The following CNTNAP5 variants were observed in gnomAD, a reference collection of about 807,000 sequenced individuals.
CNTNAP5 encodes contactin-associated protein-like 5.
A neutral mutation model predicts 150.2 loss-of-function variants in CNTNAP5; 72 were observed. The ratio of observed to expected loss-of-function variants is 0.48; its 90% CI spans 0.40 to 0.58. The LOEUF (loss-of-function observed/expected upper bound fraction) is 0.58. Ranked by LOEUF, CNTNAP5 falls within the 20% of genes least tolerant of loss-of-function variation. CNTNAP5 has a pLI of 0.00. For missense variants in CNTNAP5, 1,636 were observed against 1,626.2 expected (o/e 1.01, Z -0.10); for synonymous variants, 672 against 619.8 (o/e 1.08, Z -1.25).
At chr2:124,388,279 G>A (rs1048439358) in intron 3 of CNTNAP5, among the ~76,000 whole-genome samples, 2 of 152,188 alleles carry the variant, frequency 1.3e-5, no homozygotes, top group African/African-American at 2.4e-5. Flanking sequence ...AAGCCTGGGG[G>A]AGCAGTGGCT....
intron 1 of CNTNAP5, among the ~76,000 whole-genome samples, chr2:124,216,661 T>C (rs940340188): frequency 6.6e-6 from 1 of 152,190 alleles, no homozygotes; most frequent in African/African-American, 2.4e-5. Context: ...GTCCTTGCGA[T>C]AATTTGCTGA....
chr2:124,639,202 G>A (rs1425371065), intron 12 of CNTNAP5, among the ~76,000 whole-genome samples: 2 of 152,200 alleles, frequency 1.3e-5, no homozygotes, highest in Non-Finnish European at 2.9e-5. Flanking sequence ...GGGATACTGA[G>A]GAAACAGGTT....
intron 19 of CNTNAP5, among the ~76,000 whole-genome samples, chr2:124,804,125 A>G (rs998410368): frequency 1.3e-5 from 2 of 152,132 alleles, no homozygotes; most frequent in Non-Finnish European, 2.9e-5. Flanking sequence ...TTCATTCCCT[A>G]CATTTCTGTG....
intron 12 of CNTNAP5, among the ~76,000 whole-genome samples, chr2:124,642,424 G>A (rs1678113095): frequency 6.6e-6 from 1 of 152,126 alleles, no homozygotes; most frequent in Admixed American, 6.6e-5. Flanking sequence ...AGTATACAAA[G>A]GACTAATTAG....
chr2:124,135,258 A>C (rs926338788), intron 1 of CNTNAP5: 1 of 152,222 alleles, frequency 6.6e-6, no homozygotes, highest in Non-Finnish European at 1.5e-5. Flanking sequence ...GCTGGAGAAC[A>C]GGATATTTCC....
At chr2:124,866,245 G>C (rs184907068) in intron 20 of CNTNAP5, among the ~76,000 whole-genome samples, 1 of 152,268 alleles carries the variant, frequency 6.6e-6, no homozygotes, top group East Asian at 1.9e-4. Flanking sequence ...GGGAGACAGA[G>C]TGACTCCATC....
At chr2:124,125,990 C>G (rs1683688177) in intron 1 of CNTNAP5, among the ~76,000 whole-genome samples, 1 of 152,056 alleles carries the variant, frequency 6.6e-6, no homozygotes, top group Non-Finnish European at 1.5e-5. Flanking sequence ...ACCCTAACAT[C>G]ACAATTAAAA....
At chr2:124,333,756 T>A (rs1277559675) in intron 3 of CNTNAP5, among the ~76,000 whole-genome samples, 1 of 152,134 alleles carries the variant, frequency 6.6e-6, no homozygotes, top group African/African-American at 2.4e-5. Context: ...CAACAAAGAA[T>A]TTGTGGCTTC....
intron 1 of CNTNAP5, among the ~76,000 whole-genome samples, chr2:124,031,957 T>C (rs984794472): frequency 4.6e-5 from 7 of 152,188 alleles, no homozygotes; most frequent in Non-Finnish European, 1.0e-4. Context: ...TTAATAGTTT[T>C]TTTGTGTGTT....
In CNTNAP5 at chr2:124,107,210, G is replaced by T. The variant is rs537248275; in HGVS notation, c.82+81478G>T. ...TTGGGACCACTATGCTCTCAGGGCTGGCAGTGAGGAAGAAAAGCTGGACCT... is the reference window on the plus strand; with the variant it reads ...TTGGGACCACTATGCTCTCAGGGCTTGCAGTGAGGAAGAAAAGCTGGACCT... On this transcript the variant is annotated intron_variant, in intron 1 of 23. Transcript: ENST00000682447. Among the ~76,000 whole-genome samples the T allele has an allele frequency of 6.4e-4, 98 of 152,246 alleles. 2 individuals are homozygous for T. In the South Asian group the frequency reaches 0.02, roughly 31 times the overall value.
chr2:124,301,338 A>G (rs1382638981), intron 3 of CNTNAP5, among the ~76,000 whole-genome samples: 2 of 152,198 alleles, frequency 1.3e-5, no homozygotes, highest in East Asian at 3.9e-4. Flanking sequence ...ACATTGCACT[A>G]TTCGTTTTGC....
At chr2:124,671,926 C>T (rs1163339912) in intron 13 of CNTNAP5, among the ~76,000 whole-genome samples, 1 of 152,178 alleles carries the variant, frequency 6.6e-6, no homozygotes, top group Admixed American at 6.5e-5. Flanking sequence ...AGGCATGAGC[C>T]ACCATACCTC....
intron 1 of CNTNAP5, among the ~76,000 whole-genome samples, chr2:124,038,954 G>T (rs561170691): frequency 6.6e-6 from 1 of 152,138 alleles, no homozygotes; most frequent in Non-Finnish European, 1.5e-5. Flanking sequence ...GTATTGGTCC[G>T]GGAGCTGATG....
chr2:124,642,042 T>C (rs1678104307), intron 12 of CNTNAP5, among the ~76,000 whole-genome samples: 1 of 152,008 alleles, frequency 6.6e-6, no homozygotes, highest in Non-Finnish European at 1.5e-5. Flanking sequence ...AGAGAAAAAA[T>C]ATGAAAGAAA....
chr2:124,032,863 C>CTCTATCCA (rs1681100996), intron 1 of CNTNAP5, among the ~76,000 whole-genome samples: 1 of 152,198 alleles, frequency 6.6e-6, no homozygotes, highest in Non-Finnish European at 1.5e-5. Context: ...CACATGCTGT[C>CTCTATCCA]TCTATCCATC....
rs71394025 is a variant in CNTNAP5, at chr2:124,149,403, CAAAAAAAAA to C, written c.83-72287_83-72279del. 2.9e-4 allele frequency among the ~76,000 whole-genome samples: 24 copies of C among 82,786 alleles called. No homozygotes were observed. In the South Asian group the frequency reaches 0.011, roughly 38 times the overall value. 54.3% of individuals were successfully genotyped at this position (82,786 alleles called of 152,430 possible). The stretch of plus-strand genomic sequence containing the variant: ...ATGTGTTCCAAGATGGCGTCAATTG[CAAAAAAAAA>C]AAAAAAAAAAAAAACTCAGGAAAAC... On this transcript the variant is annotated intron_variant, in intron 1 of 23. Transcript: ENST00000682447.
chr2:124,867,783 G>A (rs1018078173), intron 20 of CNTNAP5, among the ~76,000 whole-genome samples: 2 of 152,136 alleles, frequency 1.3e-5, no homozygotes, highest in African/African-American at 2.4e-5. Flanking sequence ...AATCCTGAAT[G>A]TGTATCTAAC....
rs1679665386 is a variant in CNTNAP5, at chr2:124,706,871, A to G, written c.2078-40358A>G. ...GGAGGAGGAGGAGAAGGAGAAGGGG[A>G]AAGGGAAGAAGAAGAGGAAGAGGAA... On this transcript the variant is annotated intron_variant, in intron 13 of 23. Transcript: ENST00000682447. 7.4e-5 allele frequency among the ~76,000 whole-genome samples: 9 copies of G among 120,826 alleles called. 2 individuals are homozygous for G. The highest frequency in any genetic ancestry group is 8.6e-5 in the Non-Finnish European group (5 of 58,452). The allele number at this position is 120,826 out of a possible 152,430, so 79.3% of individuals were successfully genotyped here.
chr2:124,147,425 A>G lies in CNTNAP5; in HGVS notation c.83-74280A>G, dbSNP rs115162502. ...TCATACAAAGCGGAATAAAGAGAGTATTAGCCCACCTGAGTTCTGGCTAGG... is the reference window on the plus strand; with the variant it reads ...TCATACAAAGCGGAATAAAGAGAGTGTTAGCCCACCTGAGTTCTGGCTAGG... On this transcript the variant is annotated intron_variant, in intron 1 of 23. Coordinates refer to ENST00000682447, the MANE Select transcript of CNTNAP5 (RefSeq NM_001367498.1). Among the ~76,000 whole-genome samples, 747 of 152,356 alleles carry G rather than the reference A, an allele frequency of 4.9e-3. 4 individuals carry two copies. The highest frequency in any genetic ancestry group is 0.017 in the African/African-American group (694 of 41,588).
Sources: gnomAD v4.1 joint callset for allele counts (sites outside exome capture counted in the v4.1 genomes callset) on GRCh38, gnomAD v4.1.1 for gene constraint, MANE v1.5 for transcripts, NCBI Gene and HGNC (gene_info 2026-07-23, HGNC 2026-07-21) for gene names.